THEMIS: variants seen among roughly 807,000 people sequenced by gnomAD.
THEMIS encodes the protein thymocyte selection associated.
In THEMIS, 37 loss-of-function variants were observed where a neutral mutation model predicts 52.6. That is an observed-to-expected ratio of 0.70 (90% CI 0.54 to 0.93). The LOEUF (loss-of-function observed/expected upper bound fraction) is 0.93. Among genes scored for constraint, THEMIS ranks in the 40% least tolerant of loss-of-function variants. The pLI is 0.00. For missense variants in THEMIS, 808 were observed against 763.1 expected (o/e 1.06, Z -0.69); for synonymous variants, 292 against 272.7 (o/e 1.07, Z -0.70).
chr6:127,820,820 TTA>T (rs1778313230), intron 3 of THEMIS, among the ~76,000 whole-genome samples: 1 of 152,062 alleles, frequency 6.6e-6, no homozygotes, highest in African/African-American at 2.4e-5. Flanking sequence ...GTTGATTTTT[TTA>T]TATGTTTTAA....
At chr6:127,846,225 C>A (rs1442191697) in intron 2 of THEMIS, among the ~76,000 whole-genome samples, 1 of 151,884 alleles carries the variant, frequency 6.6e-6, no homozygotes, top group Non-Finnish European at 1.5e-5. Flanking sequence ...CTACCAATAA[C>A]AGCAAGCCCT....
intron 4 of THEMIS, among the ~76,000 whole-genome samples, chr6:127,799,570 T>C (rs1179839177): frequency 6.6e-6 from 1 of 151,326 alleles, no homozygotes; most frequent in Non-Finnish European, 1.5e-5. Context: ...TTTCTTTCTT[T>C]CTTTCTTTCT....
chr6:127,828,549 T>C (rs1292506751), intron 3 of THEMIS, among the ~76,000 whole-genome samples: 2 of 152,220 alleles, frequency 1.3e-5, no homozygotes, highest in Non-Finnish European at 2.9e-5. Flanking sequence ...CTATCCATCC[T>C]ACTCACGTGT....
At chr6:127,774,788 A>C (rs1776504113) in intron 4 of THEMIS, among the ~76,000 whole-genome samples, 1 of 152,140 alleles carries the variant, frequency 6.6e-6, no homozygotes, top group Non-Finnish European at 1.5e-5. Context: ...TAAGTTCAGA[A>C]TCTCATCATG....
chr6:127,851,804 C>A (rs888953658), intron 2 of THEMIS, among the ~76,000 whole-genome samples: 1 of 151,688 alleles, frequency 6.6e-6, no homozygotes, highest in Non-Finnish European at 1.5e-5. Context: ...ACTAAACATA[C>A]TCTTACTATA....
At chr6:127,845,918 A>T (rs78231089) in intron 2 of THEMIS, among the ~76,000 whole-genome samples, 2,782 of 152,034 alleles carry the variant, frequency 0.018, 103 homozygotes, top group African/African-American at 0.064. Flanking sequence ...TTGCATACGC[A>T]AGAAAGACCC....
chr6:127,725,404 G>C (rs1280720302), intron 4 of THEMIS, among the ~76,000 whole-genome samples: 1 of 151,716 alleles, frequency 6.6e-6, no homozygotes, highest in Non-Finnish European at 1.5e-5. Flanking sequence ...TTGTAGAAAT[G>C]CATTCTGTAT....
intron 1 of THEMIS, among the ~76,000 whole-genome samples, chr6:127,897,751 C>A (rs994966748): frequency 6.6e-6 from 1 of 151,500 alleles, no homozygotes; most frequent in African/African-American, 2.4e-5. Context: ...GGTGAATGTA[C>A]ACACACAATA....
chr6:127,838,942 T>C (rs888903014), intron 2 of THEMIS, among the ~76,000 whole-genome samples: 5 of 152,134 alleles, frequency 3.3e-5, no homozygotes, highest in Non-Finnish European at 7.4e-5. Flanking sequence ...ATGCAGTTTT[T>C]GATTTTCTGT....
At chr6:127,836,212 G>C (rs1172533244) in intron 2 of THEMIS, among the ~76,000 whole-genome samples, 1 of 152,130 alleles carries the variant, frequency 6.6e-6, no homozygotes, top group Non-Finnish European at 1.5e-5. Context: ...GCCATGTGGA[G>C]CTGATTGTGT....
intron 4 of THEMIS, among the ~76,000 whole-genome samples, chr6:127,732,940 T>A (rs939745974): frequency 3.9e-5 from 6 of 152,206 alleles, no homozygotes; most frequent in Non-Finnish European, 7.3e-5. Flanking sequence ...TAATACACTC[T>A]CTACACGGGT....
intron 1 of THEMIS, among the ~76,000 whole-genome samples, chr6:127,890,449 G>C (rs751857259): frequency 1.3e-5 from 2 of 152,194 alleles, no homozygotes; most frequent in Admixed American, 1.3e-4. Context: ...CGGGGAGAAG[G>C]GGGTGAAGTG....
chr6:127,702,553 C>T, the THEMIS span, among the ~76,000 whole-genome samples: 71,033 of 151,434 alleles, frequency 0.47, 17,889 homozygotes, highest in Non-Finnish European at 0.58. Flanking sequence ...TTTCTTGCTG[C>T]ATTCTGGGTA....
At chr6:127,701,687 G>A in the THEMIS span, among the ~76,000 whole-genome samples, 2 of 152,014 alleles carry the variant, frequency 1.3e-5, no homozygotes, top group East Asian at 1.9e-4. Flanking sequence ...CTGCTCCATA[G>A]TTTCTTCAAA....
chr6:127,712,883 A>G (rs1436083778), intron 5 of THEMIS, among the ~76,000 whole-genome samples: 1 of 151,920 alleles, frequency 6.6e-6, no homozygotes, highest in Non-Finnish European at 1.5e-5. Context: ...ATTTCGTTAT[A>G]TTTTAGAGGA....
the THEMIS span, among the ~76,000 whole-genome samples, chr6:127,698,094 T>C: frequency 6.6e-6 from 1 of 152,144 alleles, no homozygotes; most frequent in African/African-American, 2.4e-5. Context: ...TAATTATAAA[T>C]TTCTGAGAAA....
chr6:127,816,746 C>G (rs1456287759), intron 3 of THEMIS, among the ~76,000 whole-genome samples: 1 of 152,172 alleles, frequency 6.6e-6, no homozygotes, highest in Non-Finnish European at 1.5e-5. Context: ...TATAAGCCTA[C>G]AGTGTCAGTC....
In THEMIS at chr6:127,901,024, A is replaced by G. The variant is rs1781121232; in HGVS notation, c.-92T>C. On this transcript the variant is annotated 5_prime_UTR_variant, in exon 1 of 6. The change abolishes an upstream ATG in the 5' untranslated region. Coordinates refer to ENST00000368248, the MANE Select transcript of THEMIS (RefSeq NM_001010923.3). Reference sequence around the variant, plus strand: ...TCTGCAATTGCAGCCCCTGCTCACCATTTCTTCCTCAGGCAGGCAGGAATG... The same window carrying G: ...TCTGCAATTGCAGCCCCTGCTCACCGTTTCTTCCTCAGGCAGGCAGGAATG... The G allele has an allele frequency of 2.0e-6, 2 of 987,504 alleles. No homozygotes were observed. Among genetic ancestry groups the G allele is most frequent in the Non-Finnish European group, 3.2e-6 (2 of 617,746 alleles). 61.2% of individuals were successfully genotyped at this position (987,504 alleles called of 1,614,324 possible).
rs551115338 is a variant in THEMIS, at chr6:127,731,836, T to C, written c.1759-12013A>G. ...CCTCAGGTTCCCGAGTAGCTGGGAT[T>C]ACAGGTGCATGCCACCATGCCCGGC... On this transcript the variant is annotated intron_variant, in intron 4 of 5. Coordinates refer to ENST00000368248, the MANE Select transcript of THEMIS (RefSeq NM_001010923.3). 2.0e-5 allele frequency among the ~76,000 whole-genome samples: 3 copies of C among 146,354 alleles called. No homozygotes were observed. In the East Asian group the frequency reaches 6.0e-4, roughly 29 times the overall value.
Sources: allele counts gnomAD v4.1 joint callset (sites outside exome capture counted in the v4.1 genomes callset), GRCh38; gene constraint gnomAD v4.1.1; transcripts MANE v1.5; gene names NCBI Gene and HGNC (gene_info 2026-07-23, HGNC 2026-07-21).